PRMT3: variants seen among roughly 807,000 people sequenced by gnomAD.
PRMT3 encodes the protein protein arginine methyltransferase 3, also known as protein arginine N-methyltransferase 3.
In PRMT3, 62 loss-of-function variants were observed where a neutral mutation model predicts 71.9. The observed-to-expected ratio is 0.86, with a 90% CI of 0.70 to 1.07. PRMT3 has a LOEUF of 1.07. PRMT3 is among the 50% of genes least tolerant of loss of function. The probability of loss-of-function intolerance (pLI) is 0.00; values close to 1 mark genes in which losing one functional copy is unlikely to be tolerated. For synonymous variants in PRMT3, 213 were observed against 220.4 expected, an observed-to-expected ratio of 0.97 and a Z score of 0.30; for missense variants, 663 against 643.0, an observed-to-expected ratio of 1.03 and a Z score of -0.34.
intron 7 of PRMT3, among the ~76,000 whole-genome samples, chr11:20,402,329 G>C (rs978425531): frequency 6.6e-6 from 1 of 152,126 alleles, no homozygotes; most frequent in African/African-American, 2.4e-5. Context: ...ATGTTGGTCA[G>C]GCTGGTCTCG....
intron 11 of PRMT3, among the ~76,000 whole-genome samples, chr11:20,454,138 C>T (rs1850215765): frequency 6.6e-6 from 1 of 152,146 alleles, no homozygotes; most frequent in South Asian, 2.1e-4. Flanking sequence ...CTGGATGACA[C>T]ATATTAAATG....
chr11:20,421,678 T>C (rs1849427808), intron 9 of PRMT3, among the ~76,000 whole-genome samples: 1 of 152,188 alleles, frequency 6.6e-6, no homozygotes, highest in South Asian at 2.1e-4. Flanking sequence ...TTTTACATCA[T>C]TTTTCAAAAA....
intron 13 of PRMT3, among the ~76,000 whole-genome samples, chr11:20,472,676 T>A (rs1850676080): frequency 6.7e-6 from 1 of 148,308 alleles, no homozygotes; most frequent in South Asian, 2.1e-4. Flanking sequence ...AAGTGTTCTT[T>A]TTTTGTTTTG....
At chr11:20,393,899 G>A (rs1281978892) in intron 5 of PRMT3, 2 of 152,280 alleles carry the variant, frequency 1.3e-5, no homozygotes, top group Non-Finnish European at 2.9e-5. Context: ...GCCTTATATA[G>A]TTTGGAAATA....
At chr11:20,483,168 G>A (rs1850983110) in intron 13 of PRMT3, among the ~76,000 whole-genome samples, 1 of 151,984 alleles carries the variant, frequency 6.6e-6, no homozygotes, top group South Asian at 2.1e-4. Flanking sequence ...GGTAGAACTT[G>A]GTCACCTAGA....
chr11:20,418,840 CAT>C (rs1464482711), intron 9 of PRMT3, among the ~76,000 whole-genome samples: 2 of 151,686 alleles, frequency 1.3e-5, no homozygotes, highest in Admixed American at 1.3e-4. Context: ...CATCAATAAA[CAT>C]GTTTAATATG....
chr11:20,418,159 G>A (rs1849349413), intron 9 of PRMT3, among the ~76,000 whole-genome samples: 2 of 152,156 alleles, frequency 1.3e-5, no homozygotes, highest in Non-Finnish European at 1.5e-5. Context: ...TATTGGATTA[G>A]TGAAGAGAAT....
chr11:20,416,734 T>C (rs1849313408), intron 9 of PRMT3, among the ~76,000 whole-genome samples: 2 of 152,172 alleles, frequency 1.3e-5, no homozygotes, highest in Admixed American at 1.3e-4. Context: ...AGCTACACAT[T>C]TGTAAATAAA....
intron 7 of PRMT3, 116 bp from the exon 8 acceptor site, chr11:20,402,800 CAGG>C: frequency 1.7e-6 from 1 of 596,484 alleles, no homozygotes; most frequent in South Asian, 3.0e-5. Context: ...CTTGGTATCC[CAGG>C]TATAAAAACT....
chr11:20,391,470 C>T (rs1158758474), intron 3 of PRMT3, among the ~76,000 whole-genome samples: 1 of 152,054 alleles, frequency 6.6e-6, no homozygotes, highest in Non-Finnish European at 1.5e-5. Flanking sequence ...CTGGAACTCC[C>T]GACCTCAGGT....
chr11:20,418,126 G>A (rs1379371124), intron 9 of PRMT3, among the ~76,000 whole-genome samples: 1 of 152,012 alleles, frequency 6.6e-6, no homozygotes, highest in East Asian at 1.9e-4. Flanking sequence ...TTTCCCCTCA[G>A]AAAAAGTTGA....
intron 9 of PRMT3, among the ~76,000 whole-genome samples, chr11:20,423,938 A>C (rs1169936307): frequency 6.8e-5 from 10 of 148,044 alleles, no homozygotes; most frequent in African/African-American, 2.0e-4. Context: ...TAAACCCAGC[A>C]CTTTGGGAGG....
At chr11:20,494,452 G>C (rs1412500292) in intron 15 of PRMT3, among the ~76,000 whole-genome samples, 198 bp downstream of exon 15, 1 of 152,132 alleles carries the variant, frequency 6.6e-6, no homozygotes, top group East Asian at 1.9e-4. Context: ...TCCTGCCTCA[G>C]CCTCCCAAGT....
In PRMT3 at chr11:20,397,775, GTTCT is replaced by G. The variant is rs1461814436; in HGVS notation, c.705+60_705+63del. ...CCATACTAAAGGAAAAATAGAACAG[GTTCT>G]TTCTTAATATATGTGTGCACTATAG... On this transcript the variant is annotated intron_variant, in intron 7 of 15. Transcript: ENST00000331079. 3 of 1,580,762 alleles carry G rather than the reference GTTCT, an allele frequency of 1.9e-6. No homozygotes were observed. In the African/African-American group the frequency reaches 4.1e-5, roughly 22 times the overall value.
At chr11:20,458,193 GT>G (rs1850309834) in intron 11 of PRMT3, among the ~76,000 whole-genome samples, 1 of 151,954 alleles carries the variant, frequency 6.6e-6, no homozygotes, top group Non-Finnish European at 1.5e-5. Flanking sequence ...GAAAAAAGTG[GT>G]TTATTTTGAC....
chr11:20,406,394 A>G (rs900891279), intron 8 of PRMT3: 4 of 152,204 alleles, frequency 2.6e-5, no homozygotes, highest in African/African-American at 9.7e-5. Context: ...TAAAGGGCTG[A>G]CTGTATTTCC....
intron 13 of PRMT3, among the ~76,000 whole-genome samples, chr11:20,475,432 T>C (rs1167760500): frequency 6.6e-6 from 1 of 152,222 alleles, no homozygotes; most frequent in Non-Finnish European, 1.5e-5. Flanking sequence ...GCTTTCATTC[T>C]TCTCTGTGAG....
rs145969513 is a variant in PRMT3 at position 20,393,052 on chromosome 11, C to T, written c.400+53C>T. On this transcript the variant is annotated intron_variant, in intron 5 of 15. Coordinates refer to ENST00000331079, the MANE Select transcript of PRMT3 (RefSeq NM_005788.4). ...TAATTAACATAAGGCCGTTTGTTAA[C>T]GGCAAAATGGAGGTAGAGTGTTTTA... 248 of 1,133,532 alleles carry T rather than the reference C, an allele frequency of 2.2e-4. No homozygotes were observed. The East Asian group carries it at 5.1e-3, about 23-fold the overall frequency. 70.2% of individuals were successfully genotyped at this position (1,133,532 alleles called of 1,614,324 possible).
Position 20,414,197 on chromosome 11 carries a change from T to A in PRMT3, c.893+6165T>A, listed in dbSNP as rs536326120. On this transcript the variant is annotated intron_variant, in intron 9 of 15. Transcript: ENST00000331079. ...AGAACTGTCTCTACCAAAAAAATAA[T>A]AAATACCTCTACTAACAATTTTTAT... Among the ~76,000 whole-genome samples, 6 of 152,168 alleles carry A rather than the reference T, an allele frequency of 3.9e-5. No homozygotes were observed. In the South Asian group the frequency reaches 1.2e-3, roughly 32 times the overall value.
Sources: allele counts gnomAD v4.1 joint callset (sites outside exome capture counted in the v4.1 genomes callset), GRCh38; gene constraint gnomAD v4.1.1; transcripts MANE v1.5; gene names NCBI Gene and HGNC (gene_info 2026-07-23, HGNC 2026-07-21).